Variants in PITPNC1 observed in about 807,000 individuals in gnomAD.
The protein encoded by PITPNC1 is cytoplasmic phosphatidylinositol transfer protein 1.
Under a neutral mutation model 44.7 loss-of-function variants are expected in PITPNC1, and 18 were observed. The observed-to-expected ratio is 0.40, with a 90% CI of 0.28 to 0.60. The LOEUF (loss-of-function observed/expected upper bound fraction) is 0.60, where lower values mean the gene tolerates loss of function less well. Among genes scored for constraint, PITPNC1 ranks in the 20% least tolerant of loss-of-function variants. The pLI, the probability that PITPNC1 is intolerant of heterozygous loss-of-function variation, is 0.39. For synonymous variants in PITPNC1, 141 were observed against 149.6 expected, an observed-to-expected ratio of 0.94 and a Z score of 0.42; for missense variants, 290 against 418.4, an observed-to-expected ratio of 0.69 and a Z score of 2.68.
chr17:67,534,430 G>C (rs2040501874), intron 2 of PITPNC1, among the ~76,000 whole-genome samples: 1 of 151,986 alleles, frequency 6.6e-6, no homozygotes, highest in Admixed American at 6.6e-5. Context: ...TTTAGGTCAG[G>C]AGTTCAAAAC....
At chr17:67,578,374 G>C (rs76710401) in intron 5 of PITPNC1, 117 bp downstream of exon 5, 23,668 of 711,386 alleles carry the variant, frequency 0.033, 553 homozygotes, top group Middle Eastern at 0.041. Context: ...GGACCTCAGA[G>C]ATGTTCTGGC....
chr17:67,459,037 C>A (rs1362916702), intron 1 of PITPNC1, among the ~76,000 whole-genome samples: 2 of 151,834 alleles, frequency 1.3e-5, no homozygotes, highest in Non-Finnish European at 2.9e-5. Flanking sequence ...ATGATTTTTC[C>A]CCCTAGTCTT....
At chr17:67,568,425 C>T (rs59417692) in intron 4 of PITPNC1, among the ~76,000 whole-genome samples, 1 of 152,252 alleles carries the variant, frequency 6.6e-6, no homozygotes, top group East Asian at 1.9e-4. Flanking sequence ...TTAGATTGTC[C>T]TAATGGTTGT....
At chr17:67,621,904 G>GT (rs34498413) in intron 5 of PITPNC1, among the ~76,000 whole-genome samples, 6,390 of 152,156 alleles carry the variant, frequency 0.042, 302 homozygotes, top group African/African-American at 0.11. Context: ...GATCACTTTA[G>GT]CCAGGAGTTT....
intron 1 of PITPNC1, among the ~76,000 whole-genome samples, chr17:67,405,439 A>T (rs931126559): frequency 4.5e-4 from 68 of 151,974 alleles, no homozygotes; most frequent in Middle Eastern, 3.4e-3. Flanking sequence ...ATCAAATTTA[A>T]TTTTGTGTTG....
intron 1 of PITPNC1, among the ~76,000 whole-genome samples, chr17:67,425,186 T>TGC (rs1386197600): frequency 0.02 from 1,115 of 55,610 alleles, 65 homozygotes; most frequent in Admixed American, 0.028. Flanking sequence ...AGCCATGTTG[T>TGC]GCGCGCGCAC....
chr17:67,398,740 A>C (rs1050482720), intron 1 of PITPNC1, among the ~76,000 whole-genome samples: 2 of 152,080 alleles, frequency 1.3e-5, no homozygotes, highest in Non-Finnish European at 2.9e-5. Context: ...TTCTCAATCC[A>C]ACCACTGAGC....
At chr17:67,554,650 G>A (rs1283261887) in intron 4 of PITPNC1, among the ~76,000 whole-genome samples, 1 of 152,202 alleles carries the variant, frequency 6.6e-6, no homozygotes, top group African/African-American at 2.4e-5. Context: ...AGAAATGGAA[G>A]AAAATGATTT....
At chr17:67,609,380 C>T (rs558095048) in intron 5 of PITPNC1, among the ~76,000 whole-genome samples, 146 of 151,412 alleles carry the variant, frequency 9.6e-4, no homozygotes, top group African/African-American at 3.4e-3. Flanking sequence ...ACCTCTGCCT[C>T]CCGGGTTCAA....
intron 1 of PITPNC1, among the ~76,000 whole-genome samples, chr17:67,527,810 A>C (rs1046077113): frequency 6.6e-6 from 1 of 152,126 alleles, no homozygotes; most frequent in Non-Finnish European, 1.5e-5. Context: ...TTGGAGACTA[A>C]CATAATGAGA....
chr17:67,679,688 G>A (rs1296895326), intron 8 of PITPNC1, among the ~76,000 whole-genome samples: 1 of 152,234 alleles, frequency 6.6e-6, no homozygotes, highest in Non-Finnish European at 1.5e-5. Context: ...TCATTGTAAA[G>A]TGTAACCATT....
intron 1 of PITPNC1, among the ~76,000 whole-genome samples, chr17:67,384,852 C>G (rs1432506335): frequency 6.6e-6 from 1 of 152,162 alleles, no homozygotes; most frequent in Non-Finnish European, 1.5e-5. Flanking sequence ...GATAAAGACT[C>G]CTTGGATTAA....
chr17:67,648,759 G>A (rs2042178252), intron 6 of PITPNC1, among the ~76,000 whole-genome samples: 1 of 152,102 alleles, frequency 6.6e-6, no homozygotes, highest in South Asian at 2.1e-4. Flanking sequence ...GATGAAGGAG[G>A]GGAGTTTGTA....
intron 1 of PITPNC1, among the ~76,000 whole-genome samples, chr17:67,494,434 G>T (rs764865590): frequency 6.6e-5 from 10 of 151,792 alleles, no homozygotes; most frequent in Admixed American, 2.0e-4. Flanking sequence ...TCCTGTCCTC[G>T]TGATCCACCC....
At chr17:67,673,074 C>T (rs1283613884) in intron 7 of PITPNC1, among the ~76,000 whole-genome samples, 2 of 152,124 alleles carry the variant, frequency 1.3e-5, no homozygotes, top group Non-Finnish European at 2.9e-5. Context: ...GTGTGTATAG[C>T]TGTGTGTTGT....
At chr17:67,639,317 G>A (rs1415724565) in intron 6 of PITPNC1, among the ~76,000 whole-genome samples, 4 of 152,176 alleles carry the variant, frequency 2.6e-5, no homozygotes, top group Non-Finnish European at 5.9e-5. Flanking sequence ...CTGAGTGCCA[G>A]CTCCACACTA....
chr17:67,378,246 C>T (rs1183911030), intron 1 of PITPNC1, 44 bp downstream of exon 1: 10 of 1,314,266 alleles, frequency 7.6e-6, no homozygotes, highest in African/African-American at 1.5e-5. Flanking sequence ...CCGGGACCCC[C>T]GCCGCTACCG....
intron 1 of PITPNC1, among the ~76,000 whole-genome samples, chr17:67,433,644 G>C (rs926517182): frequency 9.9e-5 from 15 of 152,186 alleles, no homozygotes; most frequent in African/African-American, 2.9e-4. Flanking sequence ...ATAGGAGTTT[G>C]AGGCTGCAGT....
At chr17:67,552,805 C>CAAA (rs10601654) in intron 3 of PITPNC1, among the ~76,000 whole-genome samples, 2 of 63,432 alleles carry the variant, frequency 3.2e-5, no homozygotes, top group Admixed American at 1.8e-4. Context: ...GAGACTCCGT[C>CAAA]AAAAAAAAAA....
Sources: allele counts gnomAD v4.1 joint callset (sites outside exome capture counted in the v4.1 genomes callset), GRCh38; gene constraint gnomAD v4.1.1; transcripts MANE v1.5; gene names NCBI Gene and HGNC (gene_info 2026-07-23, HGNC 2026-07-21).